ASTN2: variants seen among roughly 807,000 people sequenced by gnomAD.
ASTN2 encodes astrotactin-2.
Under a neutral mutation model 139.8 loss-of-function variants are expected in ASTN2, and 54 were observed. The ratio of observed to expected loss-of-function variants is 0.39; its 90% CI spans 0.31 to 0.48. ASTN2 has a LOEUF of 0.48. ASTN2 is among the 20% of genes least tolerant of loss of function. The pLI is 0.95. For missense variants in ASTN2, 1,565 were observed against 1,725.1 expected (o/e 0.91, Z 1.64); for synonymous variants, 756 against 719.5 (o/e 1.05, Z -0.81).
chr9:116,486,838 A>G (rs1849354431), intron 20 of ASTN2, among the ~76,000 whole-genome samples: 1 of 152,206 alleles, frequency 6.6e-6, no homozygotes, highest in African/African-American at 2.4e-5. Flanking sequence ...TGAACTCTAC[A>G]AAGGAGTGAT....
At chr9:116,767,916 A>G (rs998692091) in intron 13 of ASTN2, among the ~76,000 whole-genome samples, 9 of 152,246 alleles carry the variant, frequency 5.9e-5, no homozygotes, top group African/African-American at 1.9e-4. Flanking sequence ...AATTACTTCC[A>G]TAAGCAACCC....
intron 2 of ASTN2, chr9:117,277,062 G>C (rs1324892669): frequency 6.6e-6 from 1 of 152,252 alleles, no homozygotes; most frequent in Non-Finnish European, 1.5e-5. Context: ...TGTCTGGCAA[G>C]GGAGGTGTCC....
At chr9:117,055,372 T>G (rs182132554) in intron 5 of ASTN2, among the ~76,000 whole-genome samples, 4 of 152,106 alleles carry the variant, frequency 2.6e-5, no homozygotes, top group Admixed American at 2.6e-4. Flanking sequence ...ATCCCAACAC[T>G]TTGGGAGGCC....
intron 5 of ASTN2, among the ~76,000 whole-genome samples, chr9:117,076,054 G>A (rs1828272181): frequency 6.6e-6 from 1 of 152,192 alleles, no homozygotes; most frequent in Non-Finnish European, 1.5e-5. Flanking sequence ...GCTGAGTGAA[G>A]TAGTCTCTGC....
intron 13 of ASTN2, among the ~76,000 whole-genome samples, chr9:116,744,377 C>A (rs1829179212): frequency 6.6e-6 from 1 of 152,026 alleles, no homozygotes. Context: ...TAAGGAGACC[C>A]ACTGTAGGGT....
intron 3 of ASTN2, among the ~76,000 whole-genome samples, chr9:117,209,188 T>G (rs2133010036): frequency 6.6e-6 from 1 of 152,218 alleles, no homozygotes; most frequent in East Asian, 1.9e-4. Flanking sequence ...GAAACACTGA[T>G]TAGTTCCCAC....
intron 16 of ASTN2, among the ~76,000 whole-genome samples, chr9:116,674,058 T>C (rs1423015346): frequency 6.6e-6 from 1 of 152,210 alleles, no homozygotes; most frequent in Non-Finnish European, 1.5e-5. Context: ...GCAGACCTCC[T>C]TCTTGCCTGG....
At chr9:116,435,061 C>T (rs1050718343) in intron 22 of ASTN2, among the ~76,000 whole-genome samples, 1 of 152,172 alleles carries the variant, frequency 6.6e-6, no homozygotes, top group Non-Finnish European at 1.5e-5. Context: ...ACCTGGGTCC[C>T]TCAGAAACAA....
In ASTN2 at chr9:117,307,842, A is replaced by G. The variant is rs142082190; in HGVS notation, c.443-16329T>C. 5.4e-3 allele frequency among the ~76,000 whole-genome samples: 817 copies of G among 152,292 alleles called. 7 individuals carry two copies. Among genetic ancestry groups the G allele is most frequent in the African/African-American group, 0.019 (784 of 41,548 alleles). On this transcript the variant is annotated intron_variant, in intron 1 of 22. Transcript: ENST00000313400. ...AATATCTCTGGATCTTTCTTCCTAG[A>G]GGCCACGTTTTGCACTCAAACAGAA...
At chr9:117,238,752 G>A (rs1588121811) in intron 2 of ASTN2, among the ~76,000 whole-genome samples, 1 of 152,128 alleles carries the variant, frequency 6.6e-6, no homozygotes, top group African/African-American at 2.4e-5. Flanking sequence ...CATGAATGTT[G>A]GTGCCTAGCT....
At chr9:116,832,459 A>C (rs1831842136) in intron 11 of ASTN2, among the ~76,000 whole-genome samples, 1 of 152,060 alleles carries the variant, frequency 6.6e-6, no homozygotes, top group Non-Finnish European at 1.5e-5. Context: ...GAAAGTATTC[A>C]GTCTTTCACC....
intron 3 of ASTN2, among the ~76,000 whole-genome samples, chr9:117,164,290 G>T (rs1309124473): frequency 6.6e-6 from 1 of 152,100 alleles, no homozygotes; most frequent in East Asian, 2.0e-4. Context: ...CTGCCCCTAA[G>T]TTCAGCACTC....
chr9:117,374,297 T>C (rs1830063018), intron 1 of ASTN2, among the ~76,000 whole-genome samples: 1 of 145,762 alleles, frequency 6.9e-6, no homozygotes, highest in Non-Finnish European at 1.5e-5. Flanking sequence ...ATTGCTCTTC[T>C]ATAACAAGGA....
At position 117,062,430 on chromosome 9, in the gene ASTN2, C is replaced by T. The variant is rs79285351; in HGVS notation, c.1277-22465G>A. On this transcript the variant is annotated intron_variant, in intron 5 of 22. Coordinates refer to ENST00000313400, the MANE Select transcript of ASTN2 (RefSeq NM_001365068.1). Reference sequence around the variant, plus strand: ...CCCTGGCTCAGAATTCCCTATGAGACATGTTAAAAATACAGTGCTTTGGGC... The same window carrying T: ...CCCTGGCTCAGAATTCCCTATGAGATATGTTAAAAATACAGTGCTTTGGGC... Among the ~76,000 whole-genome samples the T allele has an allele frequency of 7.5e-4, 114 of 152,298 alleles. No individual in the cohort carries two copies. The East Asian group carries it at 0.017, about 23-fold the overall frequency.
chr9:116,983,292 G>T (rs373091572), intron 7 of ASTN2, among the ~76,000 whole-genome samples: 15 of 152,298 alleles, frequency 9.8e-5, no homozygotes, highest in African/African-American at 3.6e-4. Flanking sequence ...GAAAAGTATG[G>T]GTTGGGCATA....
At chr9:116,977,364 G>C (rs529495360) in intron 7 of ASTN2, among the ~76,000 whole-genome samples, 2 of 151,566 alleles carry the variant, frequency 1.3e-5, no homozygotes, top group Admixed American at 1.3e-4. Flanking sequence ...TCCTTCTACT[G>C]CCATCTCTTC....
intron 1 of ASTN2, among the ~76,000 whole-genome samples, chr9:117,408,716 T>G (rs1831077725): frequency 6.6e-6 from 1 of 152,222 alleles, no homozygotes; most frequent in Non-Finnish European, 1.5e-5. Flanking sequence ...TTGGTATCAC[T>G]GACCCCCCAA....
rs1488369154 is a variant in ASTN2 at position 116,424,529 on chromosome 9, G to A, written c.*1322C>T. On this transcript the variant is annotated 3_prime_UTR_variant, in exon 23 of 23. Transcript: ENST00000313400. The stretch of plus-strand genomic sequence containing the variant: ...TAAGGAAAGTTTTCAGTCCTTGAAA[G>A]AGGTGTACTGTCTCTTGTCTCTGGG... 6.6e-6 allele frequency among the ~76,000 whole-genome samples: 1 copy of A among 151,916 alleles called. No individual in the cohort carries two copies.
intron 19 of ASTN2, among the ~76,000 whole-genome samples, chr9:116,515,482 T>A (rs1181514522): frequency 2.0e-5 from 3 of 152,150 alleles, no homozygotes; most frequent in Non-Finnish European, 4.4e-5. Flanking sequence ...CATTCTTTGA[T>A]CAGGACCAGG....
Sources: allele counts gnomAD v4.1 joint callset (sites outside exome capture counted in the v4.1 genomes callset), GRCh38; gene constraint gnomAD v4.1.1; transcripts MANE v1.5; gene names NCBI Gene and HGNC (gene_info 2026-07-23, HGNC 2026-07-21).